The following METTL15 variants were observed in gnomAD, a reference collection of about 807,000 sequenced individuals.
METTL15 encodes the protein 12S rRNA N(4)-cytidine methyltransferase METTL15.
In METTL15, 34 loss-of-function variants were observed where a neutral mutation model predicts 38.3. The ratio of observed to expected loss-of-function variants is 0.89; its 90% confidence interval spans 0.68 to 1.18. The LOEUF is 1.18. Ranked by LOEUF, METTL15 falls within the 50% of genes most tolerant of loss-of-function variation. The pLI is 0.00. For missense variants in METTL15, 438 were observed against 498.4 expected, an observed-to-expected ratio of 0.88 and a Z score of 1.15; for synonymous variants, 162 against 170.9, an observed-to-expected ratio of 0.95 and a Z score of 0.41.
intron 6 of METTL15, among the ~76,000 whole-genome samples, chr11:28,432,663 T>TAATA (rs1462396783): frequency 1.3e-5 from 2 of 152,218 alleles, no homozygotes; most frequent in Middle Eastern, 3.2e-3. Flanking sequence ...ATGGAAATAA[T>TAATA]AATATCGAAC....
intron 5 of METTL15, among the ~76,000 whole-genome samples, chr11:28,391,572 A>G (rs1028232306): frequency 1.8e-4 from 27 of 152,170 alleles, no homozygotes; most frequent in African/African-American, 5.6e-4. Context: ...TTGTACTACA[A>G]GGCTACAGTA....
chr11:28,469,702 A>G (rs1851287334), intron 6 of METTL15, among the ~76,000 whole-genome samples: 1 of 152,166 alleles, frequency 6.6e-6, no homozygotes, highest in African/African-American at 2.4e-5. Flanking sequence ...TCTACACATA[A>G]TAAACACTAT....
chr11:28,387,832 C>A (rs769778242), intron 5 of METTL15, among the ~76,000 whole-genome samples: 4 of 152,012 alleles, frequency 2.6e-5, no homozygotes, highest in Non-Finnish European at 5.9e-5. Context: ...GGATTTAGTC[C>A]TGCAATGCAA....
intron 4 of METTL15, among the ~76,000 whole-genome samples, chr11:28,236,364 A>G (rs1179905077): frequency 1.3e-5 from 2 of 152,148 alleles, no homozygotes; most frequent in African/African-American, 4.8e-5. Context: ...ATTGATTGGA[A>G]TAGTTTCAGA....
chr11:28,238,457 G>A (rs965471540), intron 4 of METTL15, among the ~76,000 whole-genome samples: 3 of 152,210 alleles, frequency 2.0e-5, no homozygotes, highest in Admixed American at 2.0e-4. Context: ...AAGCCCGTCG[G>A]AAAAGCGCAG....
chr11:28,526,074 C>CTA (rs1398727423), intron 6 of METTL15, among the ~76,000 whole-genome samples: 1 of 152,234 alleles, frequency 6.6e-6, no homozygotes, highest in Non-Finnish European at 1.5e-5. Context: ...CAGGGCCACT[C>CTA]TGAGTGTGGG....
intron 4 of METTL15, among the ~76,000 whole-genome samples, chr11:28,256,811 T>C (rs1854991182): frequency 6.6e-6 from 1 of 152,100 alleles, no homozygotes; most frequent in African/African-American, 2.4e-5. Flanking sequence ...ATTTGAAGTT[T>C]CTCCTCTTCT....
intron 4 of METTL15, among the ~76,000 whole-genome samples, chr11:28,214,648 T>TA (rs1046983347): frequency 1.3e-5 from 2 of 152,224 alleles, no homozygotes; most frequent in Non-Finnish European, 2.9e-5. Flanking sequence ...ATTATTTTCC[T>TA]AAAATGTGAA....
chr11:28,221,313 A>C (rs561785150), intron 4 of METTL15, among the ~76,000 whole-genome samples: 5 of 152,076 alleles, frequency 3.3e-5, no homozygotes, highest in South Asian at 2.1e-4. Context: ...CATTCATTTG[A>C]TCTTCCATCA....
chr11:28,511,337 G>A (rs1437854285), intron 6 of METTL15, among the ~76,000 whole-genome samples: 3 of 152,176 alleles, frequency 2.0e-5, no homozygotes, highest in African/African-American at 7.2e-5. Context: ...TATATATACT[G>A]TATTTTTACA....
intron 5 of METTL15, among the ~76,000 whole-genome samples, chr11:28,364,739 T>G (rs1850170453): frequency 6.6e-6 from 1 of 152,136 alleles, no homozygotes; most frequent in Non-Finnish European, 1.5e-5. Flanking sequence ...TATGTAAGAG[T>G]AGGCATCTTT....
At chr11:28,447,780 A>G (rs894220997) in intron 6 of METTL15, among the ~76,000 whole-genome samples, 17 of 152,064 alleles carry the variant, frequency 1.1e-4, no homozygotes, top group Non-Finnish European at 2.2e-4. Context: ...AGGGGGAGGG[A>G]GACTATAAAT....
At chr11:28,219,502 C>G (rs1303826976) in intron 4 of METTL15, among the ~76,000 whole-genome samples, 1 of 152,016 alleles carries the variant, frequency 6.6e-6, no homozygotes, top group Non-Finnish European at 1.5e-5. Context: ...GACCTTTTCA[C>G]AAAACCAGCT....
intron 6 of METTL15, among the ~76,000 whole-genome samples, chr11:28,317,973 T>C (rs1249882244): frequency 6.6e-6 from 1 of 152,168 alleles, no homozygotes; most frequent in African/African-American, 2.4e-5. Flanking sequence ...GTGATATCAT[T>C]AGAAGTGGTA....
chr11:28,445,940 C>G (rs1217136926), intron 6 of METTL15, among the ~76,000 whole-genome samples: 1 of 152,126 alleles, frequency 6.6e-6, no homozygotes, highest in Non-Finnish European at 1.5e-5. Context: ...CTTGAACCCC[C>G]GTGCCTGGCC....
Position 28,381,787 on chromosome 11 carries a change from T to C in METTL15, c.*358+19751T>C, listed in dbSNP as rs545749452. ...TTTTCTGTGTTATCTTGGAAATCAC[T>C]GAGCTTCCTTAAAACTGGTATTTTG... On this transcript the variant is annotated intron_variant and NMD_transcript_variant, in intron 5 of 7. Transcript: ENST00000532947. Among the ~76,000 whole-genome samples, 8 of 152,324 alleles carry C rather than the reference T, an allele frequency of 5.3e-5. No individual in the cohort carries two copies. In the East Asian group the frequency reaches 1.5e-3, roughly 29 times the overall value.
At chr11:28,435,386 G>A (rs953690110) in intron 6 of METTL15, among the ~76,000 whole-genome samples, 14 of 152,146 alleles carry the variant, frequency 9.2e-5, no homozygotes, top group African/African-American at 3.4e-4. Flanking sequence ...GCAGTCACTG[G>A]TCCATGGAAA....
chr11:28,342,958 A>G (rs898938067), intron 3 of METTL15, among the ~76,000 whole-genome samples: 2 of 152,202 alleles, frequency 1.3e-5, no homozygotes, highest in African/African-American at 4.8e-5. Context: ...CATGGCAAAC[A>G]TCTTACATTC....
At chr11:28,317,361 A>AT (rs1343629846) in intron 6 of METTL15, among the ~76,000 whole-genome samples, 1 of 152,126 alleles carries the variant, frequency 6.6e-6, no homozygotes, top group African/African-American at 2.4e-5. Context: ...ATTTAACACT[A>AT]TATTAAAGGA....
Sources: gnomAD v4.1 joint callset for allele counts (sites outside exome capture counted in the v4.1 genomes callset) on GRCh38, gnomAD v4.1.1 for gene constraint, MANE v1.5 for transcripts, NCBI Gene and HGNC (gene_info 2026-07-23, HGNC 2026-07-21) for gene names.